The following PLA2G4A variants were observed in gnomAD, a reference collection of about 807,000 sequenced individuals.
PLA2G4A encodes the protein phospholipase A2 group IVA.
In PLA2G4A, 40 loss-of-function variants were observed where a neutral mutation model predicts 81.9. The ratio of observed to expected loss-of-function variants is 0.49; its 90% CI spans 0.38 to 0.64. The LOEUF (loss-of-function observed/expected upper bound fraction) is 0.64. Ranked by LOEUF, PLA2G4A falls within the 30% of genes least tolerant of loss-of-function variation. PLA2G4A has a pLI of 0.00. For missense variants in PLA2G4A, 715 were observed against 905.1 expected (o/e 0.79, Z 2.69); for synonymous variants, 302 against 296.9 (o/e 1.02, Z -0.18).
intron 13 of PLA2G4A, among the ~76,000 whole-genome samples, chr1:186,955,816 C>T (rs915451467): frequency 2.7e-5 from 4 of 145,710 alleles, no homozygotes; most frequent in South Asian, 2.2e-4. Context: ...TCACTGCAAC[C>T]TCCGCCTCCC....
chr1:186,881,172 C>T (rs549394533), intron 3 of PLA2G4A, among the ~76,000 whole-genome samples: 2 of 152,100 alleles, frequency 1.3e-5, no homozygotes, highest in Non-Finnish European at 2.9e-5. Context: ...TGCTGCCTTA[C>T]ACTCCCTTAC....
chr1:186,907,081 A>G (rs1654765158), intron 6 of PLA2G4A, 79 bp downstream of exon 6: 3 of 791,468 alleles, frequency 3.8e-6, no homozygotes, highest in South Asian at 1.5e-5. Context: ...GAATTTTTTT[A>G]TATATAATTC....
intron 17 of PLA2G4A, among the ~76,000 whole-genome samples, chr1:186,985,197 G>A (rs1657854896): frequency 5.9e-5 from 9 of 152,064 alleles, no homozygotes; most frequent in Admixed American, 5.9e-4. Context: ...CCAGTCTTCT[G>A]CTCCACTTAA....
intron 4 of PLA2G4A, 64 bp from the exon 5 acceptor site, chr1:186,894,034 A>G: frequency 1.3e-6 from 1 of 774,054 alleles, no homozygotes; most frequent in Non-Finnish European, 2.4e-6. Flanking sequence ...GGTGGAAATT[A>G]TAGATGTCAT....
chr1:186,950,218 A>T (rs1320941171), intron 12 of PLA2G4A, among the ~76,000 whole-genome samples: 11 of 152,202 alleles, frequency 7.2e-5, no homozygotes, highest in Non-Finnish European at 1.0e-4. Context: ...AAGATAATTT[A>T]TGTTAGTATC....
chr1:186,977,632 C>A lies in PLA2G4A; in HGVS notation c.1804C>A (p.Leu602Ile). 6.2e-7 allele frequency: 1 copy of A among 1,613,552 alleles called. No individual in the cohort carries two copies. The highest frequency in any genetic ancestry group is 8.5e-7 in the Non-Finnish European group (1 of 1,179,514). ...AGAAAAGTGGGCTAAAATGAACAAG[C>A]TCCCCTTTCCAAAGATTGATCCTTA... ...LAEKWAKMNK[L>I]PFPKIDPYVF... The change falls in exon 16 of 18, where the codon CTC (leucine) becomes ATC (isoleucine). Residue 602 changes from leucine (L) to isoleucine (I), a missense_variant. Transcript: ENST00000367466.
At position 186,959,979 on chromosome 1, in the gene PLA2G4A, T is replaced by C. The variant is rs183995192; in HGVS notation, c.1579+3635T>C. On this transcript the variant is annotated intron_variant, in intron 14 of 17. Transcript: ENST00000367466. The stretch of plus-strand genomic sequence containing the variant: ...GTTTAACCTATGATGATTTTGTTTA[T>C]ATAAATTAAAATGTGGGTGTTTTAG... 3.1e-3 allele frequency among the ~76,000 whole-genome samples: 473 copies of C among 152,294 alleles called. 2 individuals are homozygous for C. Among genetic ancestry groups the C allele is most frequent in the African/African-American group, 0.01 (426 of 41,578 alleles).
intron 3 of PLA2G4A, among the ~76,000 whole-genome samples, chr1:186,886,440 G>A (rs575470701): frequency 2.8e-4 from 43 of 152,212 alleles, no homozygotes; most frequent in African/African-American, 9.6e-4. Context: ...CATGGGTAGC[G>A]AAAAGGTTGA....
intron 3 of PLA2G4A, among the ~76,000 whole-genome samples, chr1:186,884,838 G>A (rs1251488342): frequency 6.6e-6 from 1 of 151,184 alleles, no homozygotes; most frequent in Non-Finnish European, 1.5e-5. Flanking sequence ...GAGCTGAGAT[G>A]GCACCATGGT....
chr1:186,873,823 G>A (rs1653372689), intron 3 of PLA2G4A, among the ~76,000 whole-genome samples: 1 of 151,964 alleles, frequency 6.6e-6, no homozygotes, highest in Non-Finnish European at 1.5e-5. Flanking sequence ...TCACTTGAGG[G>A]CATTGACAAG....
At chr1:186,976,631 A>G (rs1657539656) in intron 15 of PLA2G4A, among the ~76,000 whole-genome samples, 1 of 152,218 alleles carries the variant, frequency 6.6e-6, no homozygotes, top group African/African-American at 2.4e-5. Context: ...CTGGTCCCAG[A>G]ATCTGTGCTT....
chr1:186,846,384 T>C (rs1652175219), intron 1 of PLA2G4A, among the ~76,000 whole-genome samples: 1 of 152,212 alleles, frequency 6.6e-6, no homozygotes, highest in Non-Finnish European at 1.5e-5. Flanking sequence ...AACTGTGGAA[T>C]AAAATTTATA....
intron 1 of PLA2G4A, among the ~76,000 whole-genome samples, chr1:186,835,965 T>C (rs1204887182): frequency 1.3e-5 from 2 of 152,142 alleles, no homozygotes; most frequent in South Asian, 2.1e-4. Context: ...TTCACAATAT[T>C]TACATGCATT....
chr1:186,935,243 A>T (rs1314750984), intron 8 of PLA2G4A, among the ~76,000 whole-genome samples: 1 of 151,960 alleles, frequency 6.6e-6, no homozygotes, highest in African/African-American at 2.4e-5. Context: ...ATACTTTTAA[A>T]CATGAGATTG....
chr1:186,890,008 C>T (rs1355645966), intron 3 of PLA2G4A, among the ~76,000 whole-genome samples: 2 of 152,188 alleles, frequency 1.3e-5, no homozygotes, highest in African/African-American at 4.8e-5. Flanking sequence ...TAATATTTCT[C>T]AGTTCCTGTT....
chr1:186,943,634 A>C (rs1300362449), intron 10 of PLA2G4A, among the ~76,000 whole-genome samples: 2 of 152,174 alleles, frequency 1.3e-5, no homozygotes, highest in Non-Finnish European at 2.9e-5. Context: ...AGAAGGATCT[A>C]TCAAGTACGG....
intron 7 of PLA2G4A, among the ~76,000 whole-genome samples, chr1:186,927,178 C>G (rs1655577922): frequency 6.6e-6 from 1 of 152,162 alleles, no homozygotes; most frequent in African/African-American, 2.4e-5. Flanking sequence ...CCTGTGTTGG[C>G]TGCTTGAAGT....
chr1:186,851,042 C>T (rs190577192), intron 1 of PLA2G4A, among the ~76,000 whole-genome samples: 4 of 152,020 alleles, frequency 2.6e-5, no homozygotes, highest in East Asian at 1.9e-4. Context: ...GGCTAGGTAC[C>T]TTTCACAGTA....
intron 7 of PLA2G4A, among the ~76,000 whole-genome samples, chr1:186,912,302 T>C (rs1654974842): frequency 6.6e-6 from 1 of 152,214 alleles, no homozygotes; most frequent in South Asian, 2.1e-4. Context: ...TGAACCCACA[T>C]TGACACATCA....
Sources: gnomAD v4.1 joint callset for allele counts (sites outside exome capture counted in the v4.1 genomes callset) on GRCh38, gnomAD v4.1.1 for gene constraint, MANE v1.5 for transcripts, NCBI Gene and HGNC (gene_info 2026-07-23, HGNC 2026-07-21) for gene names.